LNP1: variants seen among roughly 807,000 people sequenced by gnomAD.
The protein encoded by LNP1 is leukemia NUP98 fusion partner 1.
In LNP1, 12 loss-of-function variants were observed where a neutral mutation model predicts 14.5. The ratio of observed to expected loss-of-function variants is 0.83; its 90% CI spans 0.53 to 1.34. The LOEUF (loss-of-function observed/expected upper bound fraction) is 1.34. Ranked by LOEUF, LNP1 falls within the 40% of genes most tolerant of loss-of-function variation. The pLI is 0.00. For missense variants in LNP1, 198 were observed against 210.9 expected (o/e 0.94, Z 0.38); for synonymous variants, 75 against 71.4 (o/e 1.05, Z -0.26).
chr3:100,403,319 T>C (rs1706931067), intron 1 of LNP1, among the ~76,000 whole-genome samples: 1 of 152,252 alleles, frequency 6.6e-6, no homozygotes, highest in African/African-American at 2.4e-5. Context: ...TTCTAAAAAA[T>C]TAAAGTTCTG....
intron 3 of LNP1, among the ~76,000 whole-genome samples, chr3:100,453,550 T>C (rs1389926683): frequency 1.3e-5 from 2 of 150,894 alleles, no homozygotes; most frequent in African/African-American, 4.9e-5. Flanking sequence ...ATTGGGCCCA[T>C]TGTACTCCAG....
At chr3:100,438,045 G>A (rs968513973) in intron 2 of LNP1, among the ~76,000 whole-genome samples, 2 of 152,100 alleles carry the variant, frequency 1.3e-5, no homozygotes, top group African/African-American at 4.8e-5. Flanking sequence ...CAAGGACCTG[G>A]CCCCAGAGTG....
At chr3:100,409,568 A>G (rs1468008574) in intron 1 of LNP1, among the ~76,000 whole-genome samples, 3 of 111,438 alleles carry the variant, frequency 2.7e-5, no homozygotes, top group Non-Finnish European at 4.8e-5. Flanking sequence ...ACACACACAC[A>G]CACACACACA....
chr3:100,446,283 C>T (rs926373060), intron 2 of LNP1, among the ~76,000 whole-genome samples: 2 of 151,716 alleles, frequency 1.3e-5, no homozygotes, highest in Admixed American at 6.6e-5. Flanking sequence ...CAGAGGCCTC[C>T]GAAATAACAC....
chr3:100,444,176 T>C (rs140861066), intron 2 of LNP1, among the ~76,000 whole-genome samples: 7 of 152,156 alleles, frequency 4.6e-5, no homozygotes, highest in African/African-American at 1.7e-4. Context: ...AGAGCACCTG[T>C]TAAGAGTTTT....
At chr3:100,446,621 G>A (rs1400695317) in intron 2 of LNP1, among the ~76,000 whole-genome samples, 1 of 152,132 alleles carries the variant, frequency 6.6e-6, no homozygotes, top group African/African-American at 2.4e-5. Context: ...AAACTAAAGA[G>A]CTTCTGCACA....
intron 1 of LNP1, among the ~76,000 whole-genome samples, chr3:100,411,429 G>C (rs1707031338): frequency 6.6e-6 from 1 of 152,214 alleles, no homozygotes; most frequent in South Asian, 2.1e-4. Context: ...ACATTAGGGT[G>C]GGATGAATGA....
rs537854601 is a variant in LNP1 at position 100,449,668 on chromosome 3, AC to A, written c.157-2050del. ...AACAAACAAAATCAAACCAAAAAAA[AC>A]AACCAAAAACATAAAGGCCTTTTAA... On this transcript the variant is annotated intron_variant, in intron 2 of 3. Transcript: ENST00000383693. Among the ~76,000 whole-genome samples the A allele has an allele frequency of 6.3e-4, 96 of 152,296 alleles. 2 individuals carry two copies. The South Asian group carries it at 0.017, about 27-fold the overall frequency.
intron 2 of LNP1, among the ~76,000 whole-genome samples, chr3:100,430,641 C>G (rs1707234844): frequency 6.6e-6 from 1 of 152,146 alleles, no homozygotes; most frequent in South Asian, 2.1e-4. Context: ...TTTATAAGTC[C>G]CATTAAATGT....
intron 1 of LNP1, among the ~76,000 whole-genome samples, chr3:100,416,943 G>T (rs754815982): frequency 4.0e-5 from 6 of 151,882 alleles, no homozygotes; most frequent in Non-Finnish European, 8.8e-5. Flanking sequence ...ATCTTGACCT[G>T]TCCCATTCAA....
Position 100,413,830 on chromosome 3 carries a change from A to G in LNP1, c.-34+11391A>G, listed in dbSNP as rs187176056. On this transcript the variant is annotated intron_variant, in intron 1 of 3. Coordinates refer to ENST00000383693, the MANE Select transcript of LNP1 (RefSeq NM_001085451.2). ...CTAAGTGATGGGCCTACAGTAGAGT[A>G]TTCACTCATAAAAGGCATTCAAACT... Among the ~76,000 whole-genome samples, 647 of 152,312 alleles carry G rather than the reference A, an allele frequency of 4.2e-3. 3 individuals are homozygous for G. The highest frequency in any genetic ancestry group is 5.7e-3 in the Non-Finnish European group (390 of 68,028).
At chr3:100,452,760 A>C (rs1030565838) in intron 3 of LNP1, among the ~76,000 whole-genome samples, 1 of 152,320 alleles carries the variant, frequency 6.6e-6, no homozygotes, top group Non-Finnish European at 1.5e-5. Context: ...TGGGAGTCAA[A>C]GTAAAGCAAA....
intron 1 of LNP1, among the ~76,000 whole-genome samples, chr3:100,429,427 G>A (rs528749353): frequency 2.6e-5 from 4 of 152,258 alleles, no homozygotes; most frequent in South Asian, 4.1e-4. Context: ...CCCACCCTTA[G>A]GCTGTGAGGC....
intron 2 of LNP1, among the ~76,000 whole-genome samples, chr3:100,438,923 A>G (rs1352439945): frequency 1.3e-5 from 2 of 152,196 alleles, no homozygotes; most frequent in Non-Finnish European, 2.9e-5. Flanking sequence ...CTTATTGGGG[A>G]AAATTACCTT....
chr3:100,444,400 A>G (rs1707370307), intron 2 of LNP1, among the ~76,000 whole-genome samples: 1 of 152,330 alleles, frequency 6.6e-6, no homozygotes, highest in East Asian at 1.9e-4. Context: ...TGGAACACAT[A>G]CCAATAACAT....
chr3:100,447,333 G>A (rs1707397592), intron 2 of LNP1, among the ~76,000 whole-genome samples: 2 of 152,090 alleles, frequency 1.3e-5, no homozygotes, highest in Non-Finnish European at 2.9e-5. Context: ...ATCATTCTCA[G>A]CAAACTATCA....
rs531360911 is a variant in LNP1, at chr3:100,421,844, GT to G, written c.-33-7846del. Among the ~76,000 whole-genome samples the G allele has an allele frequency of 5.5e-4, 83 of 152,220 alleles. 1 individual carries two copies. Among genetic ancestry groups the G allele is most frequent in the Non-Finnish European group, 9.9e-4 (67 of 68,008 alleles). Reference sequence around the variant, plus strand: ...AGAAAAGAATGTTATGGAGGTTCAAGTTTTTTTGTTTTAATAGTCTGAAAAC... The same window carrying G: ...AGAAAAGAATGTTATGGAGGTTCAAGTTTTTTGTTTTAATAGTCTGAAAAC... On this transcript the variant is annotated intron_variant, in intron 1 of 3. Transcript: ENST00000383693.
At chr3:100,451,233 G>A (rs979181848) in intron 2 of LNP1, among the ~76,000 whole-genome samples, 10 of 152,182 alleles carry the variant, frequency 6.6e-5, no homozygotes, top group African/African-American at 2.2e-4. Context: ...TGTGCCAAAT[G>A]TAGTCAGAGC....
chr3:100,420,794 T>C (rs575952818), intron 1 of LNP1, among the ~76,000 whole-genome samples: 5 of 152,312 alleles, frequency 3.3e-5, no homozygotes, highest in African/African-American at 9.6e-5. Context: ...AAGTTTTTAA[T>C]TCAGTGATGT....
Sources: gnomAD v4.1 joint callset for allele counts (sites outside exome capture counted in the v4.1 genomes callset) on GRCh38, gnomAD v4.1.1 for gene constraint, MANE v1.5 for transcripts, NCBI Gene and HGNC (gene_info 2026-07-23, HGNC 2026-07-21) for gene names.